The following COL11A1 variants were observed in gnomAD, a reference collection of about 807,000 sequenced individuals.
COL11A1 encodes the protein collagen alpha-1(XI) chain.
Under a neutral mutation model 265.2 loss-of-function variants are expected in COL11A1, and 74 were observed. The observed-to-expected ratio is 0.28, with a 90% CI of 0.23 to 0.34. The LOEUF is 0.34. Ranked by LOEUF, COL11A1 falls within the 10% of genes least tolerant of loss-of-function variation. The pLI is 1.00. For synonymous variants in COL11A1, 816 were observed against 727.6 expected, an observed-to-expected ratio of 1.12 and a Z score of -1.96; for missense variants, 2,165 against 2,263.6, an observed-to-expected ratio of 0.96 and a Z score of 0.88.
At chr1:103,072,131 C>T (rs963620310) in intron 4 of COL11A1, among the ~76,000 whole-genome samples, 13 of 151,806 alleles carry the variant, frequency 8.6e-5, no homozygotes, top group Non-Finnish European at 1.8e-4. Context: ...TCTATATGCT[C>T]TTCTTGTGGT....
At position 102,946,906 on chromosome 1, in the gene COL11A1, T is replaced by C. The variant is rs759784635; in HGVS notation, c.3219A>G (p.Leu1073=). Residue 1073 remains leucine, a synonymous_variant, in exon 42 of 67, where the codon TTA becomes TTG. Coordinates refer to ENST00000370096, the MANE Select transcript of COL11A1 (RefSeq NM_001854.4). ...GACCCTGAGGTCCCGGGCGCCCTGG[T>C]AAACCAATTGGGCCAGCTGTACCTG... ...GSAGTAGPIG[L]PGRPGPQGPP... 1 of 1,613,536 alleles carries C rather than the reference T, an allele frequency of 6.2e-7. No homozygotes were observed. The highest frequency in any genetic ancestry group is 1.7e-5 in the Admixed American group (1 of 59,896).
intron 37 of COL11A1, among the ~76,000 whole-genome samples, chr1:102,966,789 G>T (rs1368728101): frequency 6.6e-6 from 1 of 152,010 alleles, no homozygotes; most frequent in East Asian, 1.9e-4. Flanking sequence ...CACCACAATT[G>T]CCATCTCTAT....
intron 2 of COL11A1, among the ~76,000 whole-genome samples, chr1:103,080,712 A>G (rs1672342054): frequency 1.3e-5 from 2 of 151,894 alleles, no homozygotes; most frequent in African/African-American, 4.8e-5. Flanking sequence ...GTTTCATACT[A>G]TTGGTGAAAA....
At chr1:103,067,824 A>C (rs1038391859) in intron 4 of COL11A1, among the ~76,000 whole-genome samples, 1 of 151,740 alleles carries the variant, frequency 6.6e-6, no homozygotes, top group Non-Finnish European at 1.5e-5. Context: ...AAACAGCTTT[A>C]TATGAACAAA....
chr1:102,886,900 CT>C lies in COL11A1; in HGVS notation c.4764del (p.Asp1589ThrfsTer5). 6.2e-7 allele frequency: 1 copy of C among 1,613,810 alleles called. No homozygotes were observed. Among genetic ancestry groups the C allele is most frequent in the Non-Finnish European group, 8.5e-7 (1 of 1,179,824 alleles). ...ATTGGAAATTTCATATGCTCAATGT[CT>C]TGTTTCAGGGAATTGAGGGAACCAA... ...EIFGSLNSLK[Q>X]DIEHMKFPMG... is the part of the protein sequence containing the mutation. On this transcript the variant is annotated frameshift_variant, in exon 63 of 67. Coordinates refer to ENST00000370096, the MANE Select transcript of COL11A1 (RefSeq NM_001854.4). LOFTEE classifies it high-confidence loss of function.
chr1:102,886,829 G>A lies in COL11A1; in HGVS notation c.4836C>T (p.Leu1612=). ...NPARTCKDLQ[L]SHPDFPDGEY... ...TACCATCTGGGAAGTCAGGATGGCT[G>A]AGTTGCAGGTCTTTACAAGTTCGGG... Residue 1612 remains leucine (L), a synonymous_variant, in exon 63 of 67, where the codon CTC becomes CTT. Coordinates refer to ENST00000370096, the MANE Select transcript of COL11A1 (RefSeq NM_001854.4). 6.2e-7 allele frequency: 1 copy of A among 1,613,916 alleles called. No homozygotes were observed. The highest frequency in any genetic ancestry group is 8.5e-7 in the Non-Finnish European group (1 of 1,179,826).
chr1:102,994,106 T>C (rs1324328666), intron 28 of COL11A1, among the ~76,000 whole-genome samples: 2 of 152,172 alleles, frequency 1.3e-5, no homozygotes, highest in Admixed American at 1.3e-4. Context: ...ATATAATAAA[T>C]CCATCCCTTT....
At position 102,877,947 on chromosome 1, in the gene COL11A1, C is replaced by T; in HGVS notation, c.*72G>A. The T allele has an allele frequency of 3.3e-6, 5 of 1,507,964 alleles. No individual in the cohort carries two copies. In the South Asian group the frequency reaches 4.5e-5, roughly 14 times the overall value. 93.4% of individuals were successfully genotyped at this position (1,507,964 alleles called of 1,614,324 possible). On this transcript the variant is annotated 3_prime_UTR_variant, in exon 67 of 67. Transcript: ENST00000370096. ...CTATACCATCCTTATTCAAAACTTG[C>T]ATGTGGCACAAAATGGGTTGGTGGC...
intron 28 of COL11A1, among the ~76,000 whole-genome samples, chr1:102,992,751 A>G (rs1371873020): frequency 6.6e-6 from 1 of 152,054 alleles, no homozygotes; most frequent in African/African-American, 2.4e-5. Context: ...GCTGAAAAAT[A>G]CCTTTAAATT....
chr1:102,902,366 T>G (rs1315579599), intron 54 of COL11A1, among the ~76,000 whole-genome samples: 4 of 152,160 alleles, frequency 2.6e-5, no homozygotes, highest in Non-Finnish European at 4.4e-5. Flanking sequence ...CAAAATAAAC[T>G]GCCAAATTTA....
intron 4 of COL11A1, among the ~76,000 whole-genome samples, chr1:103,065,327 C>T (rs558316894): frequency 2.0e-5 from 3 of 151,840 alleles, no homozygotes; most frequent in South Asian, 2.1e-4. Flanking sequence ...AAGACCATCC[C>T]GGCTAACACG....
chr1:102,922,532 G>A (rs1570737926), intron 47 of COL11A1, among the ~76,000 whole-genome samples: 2 of 152,140 alleles, frequency 1.3e-5, no homozygotes, highest in South Asian at 2.1e-4. Flanking sequence ...GAGTAGCTGG[G>A]ACTACAGGCA....
chr1:103,106,705 T>A (rs985565339), intron 1 of COL11A1, among the ~76,000 whole-genome samples: 15 of 152,184 alleles, frequency 9.9e-5, no homozygotes, highest in Non-Finnish European at 1.8e-4. Flanking sequence ...AATAGGACTT[T>A]CACTGTATTT....
intron 4 of COL11A1, among the ~76,000 whole-genome samples, chr1:103,033,811 G>A (rs1668160852): frequency 1.4e-5 from 2 of 147,212 alleles, no homozygotes; most frequent in South Asian, 4.2e-4. Context: ...ATTTTTCTTT[G>A]TTTTAAGAGT....
intron 1 of COL11A1, among the ~76,000 whole-genome samples, chr1:103,102,220 A>C (rs1384032264): frequency 6.6e-6 from 1 of 151,992 alleles, no homozygotes; most frequent in Non-Finnish European, 1.5e-5. Flanking sequence ...TAAAACAGAA[A>C]GTATTTTAAA....
chr1:102,964,587 G>GGGGTGT (rs1553219266), intron 38 of COL11A1, among the ~76,000 whole-genome samples: 4,355 of 149,492 alleles, frequency 0.029, 235 homozygotes, highest in African/African-American at 0.1. Flanking sequence ...TTTCTCTAGG[G>GGGGTGT]GTGTGTGTGT....
chr1:102,971,824 ACTT>A (rs971631703), intron 36 of COL11A1, among the ~76,000 whole-genome samples: 58 of 152,218 alleles, frequency 3.8e-4, no homozygotes, highest in African/African-American at 1.3e-3. Flanking sequence ...TTGCTCAGTG[ACTT>A]CTTCAGGTTT....
intron 28 of COL11A1, among the ~76,000 whole-genome samples, chr1:102,994,126 A>G (rs1271888669): frequency 6.6e-6 from 1 of 152,172 alleles, no homozygotes; most frequent in Non-Finnish European, 1.5e-5. Flanking sequence ...TTTGTTATCC[A>G]TTCCCTATTG....
intron 41 of COL11A1, 157 bp downstream of exon 41, chr1:102,961,709 A>G (rs1320398167): frequency 7.5e-6 from 5 of 670,624 alleles, no homozygotes; most frequent in Admixed American, 2.1e-5. Flanking sequence ...TGCATTCATT[A>G]GTGCATGCAA....
Sources: gnomAD v4.1 joint callset for allele counts (sites outside exome capture counted in the v4.1 genomes callset) on GRCh38, gnomAD v4.1.1 for gene constraint, MANE v1.5 for transcripts, NCBI Gene and HGNC (gene_info 2026-07-23, HGNC 2026-07-21) for gene names.